TSPAN18: variants seen among roughly 807,000 people sequenced by gnomAD.
TSPAN18 encodes the protein tetraspanin-18.
In TSPAN18, 14 loss-of-function variants were observed where a neutral mutation model predicts 27.3. The observed-to-expected ratio is 0.51, with a 90% CI of 0.34 to 0.80. TSPAN18 has a LOEUF of 0.80. Among genes scored for constraint, TSPAN18 ranks in the 30% least tolerant of loss-of-function variants. The pLI is 0.01. For synonymous variants in TSPAN18, 143 were observed against 136.5 expected, an observed-to-expected ratio of 1.05 and a Z score of -0.33; for missense variants, 268 against 323.9, an observed-to-expected ratio of 0.83 and a Z score of 1.32.
Position 44,929,152 on chromosome 11 carries a change from A to C in TSPAN18, c.721A>C (p.Met241Leu), listed in dbSNP as rs138778813. The C allele has an allele frequency of 1.9e-6, 3 of 1,613,538 alleles. No homozygotes were observed. The highest frequency in any genetic ancestry group is 2.5e-6 in the Non-Finnish European group (3 of 1,180,016). The change falls in exon 10 of 10, where the codon ATG becomes CTG. Residue 241 changes from methionine to leucine, a missense_variant. Transcript: ENST00000520358. ...AIELFAMIFA[M>L]CLFRGIQ The stretch of plus-strand genomic sequence containing the variant: ...GCAGCTTTTCGCCATGATCTTTGCC[A>C]TGTGCCTCTTCCGGGGCATCCAGTA...
At chr11:44,801,143 C>G (rs1856471018) in intron 2 of TSPAN18, among the ~76,000 whole-genome samples, 1 of 152,194 alleles carries the variant, frequency 6.6e-6, no homozygotes, top group Admixed American at 6.5e-5. Flanking sequence ...TAAATAGCTT[C>G]CAAATCAGGA....
chr11:44,738,472 T>G (rs888918843), intron 1 of TSPAN18, among the ~76,000 whole-genome samples: 2 of 152,242 alleles, frequency 1.3e-5, no homozygotes, highest in Non-Finnish European at 2.9e-5. Flanking sequence ...GGACTAAATA[T>G]AACACATAAC....
intron 5 of TSPAN18, among the ~76,000 whole-genome samples, chr11:44,912,338 C>T (rs1336632252): frequency 6.6e-6 from 1 of 151,976 alleles, no homozygotes. Flanking sequence ...CTCTTGATCT[C>T]TGTTTTTATT....
chr11:44,803,084 A>G (rs1396899800), intron 2 of TSPAN18, among the ~76,000 whole-genome samples: 3 of 152,220 alleles, frequency 2.0e-5, no homozygotes, highest in Non-Finnish European at 1.5e-5. Context: ...CTATGAAACC[A>G]AGTTTCTGTC....
chr11:44,797,515 G>A (rs1008210942), intron 2 of TSPAN18, among the ~76,000 whole-genome samples: 2 of 152,188 alleles, frequency 1.3e-5, no homozygotes, highest in Non-Finnish European at 2.9e-5. Flanking sequence ...TATGGAGACT[G>A]ATGAATGGAT....
At chr11:44,916,141 C>A (rs958538352) in intron 5 of TSPAN18, among the ~76,000 whole-genome samples, 2 of 152,182 alleles carry the variant, frequency 1.3e-5, no homozygotes, top group Non-Finnish European at 2.9e-5. Context: ...GTTTTATGTC[C>A]GTGTGCTGAA....
chr11:44,913,746 T>C (rs1013335213), intron 5 of TSPAN18, among the ~76,000 whole-genome samples: 1 of 152,214 alleles, frequency 6.6e-6, no homozygotes, highest in African/African-American at 2.4e-5. Context: ...TTTCCTCCCC[T>C]TTGCTAATTT....
At chr11:44,875,978 G>A (rs1012886839) in intron 3 of TSPAN18, among the ~76,000 whole-genome samples, 1 of 152,192 alleles carries the variant, frequency 6.6e-6, no homozygotes, top group African/African-American at 2.4e-5. Context: ...GACCCCAGGT[G>A]GTGGGCCCTG....
At chr11:44,902,494 C>T (rs905243868) in intron 3 of TSPAN18, among the ~76,000 whole-genome samples, 2 of 152,154 alleles carry the variant, frequency 1.3e-5, no homozygotes, top group East Asian at 1.9e-4. Flanking sequence ...GGCTTGGTGA[C>T]GAAGGAAGAG....
At chr11:44,750,330 C>T (rs181534261) in intron 1 of TSPAN18, among the ~76,000 whole-genome samples, 5 of 152,298 alleles carry the variant, frequency 3.3e-5, no homozygotes, top group African/African-American at 1.2e-4. Flanking sequence ...TCCTCATAGC[C>T]ATAGATAAAG....
intron 2 of TSPAN18, among the ~76,000 whole-genome samples, chr11:44,859,949 C>T (rs948688001): frequency 1.3e-5 from 2 of 152,212 alleles, no homozygotes; most frequent in African/African-American, 2.4e-5. Flanking sequence ...TCTCTCCAAT[C>T]TGCTTGGACT....
At chr11:44,854,025 C>A (rs1411556945) in intron 2 of TSPAN18, among the ~76,000 whole-genome samples, 1 of 152,108 alleles carries the variant, frequency 6.6e-6, no homozygotes. Flanking sequence ...GGTGTAATTG[C>A]AAAGTAATTA....
At chr11:44,927,879 C>G (rs1328567593) in intron 9 of TSPAN18, among the ~76,000 whole-genome samples, 2 of 152,178 alleles carry the variant, frequency 1.3e-5, no homozygotes, top group Non-Finnish European at 2.9e-5. Flanking sequence ...AGAGGGATTA[C>G]AGATGACGGG....
At chr11:44,841,534 AT>A (rs1565173131) in intron 2 of TSPAN18, among the ~76,000 whole-genome samples, 5 of 151,646 alleles carry the variant, frequency 3.3e-5, no homozygotes, top group African/African-American at 1.2e-4. Flanking sequence ...AAAAGACTGC[AT>A]GTTGTAATAA....
chr11:44,859,893 C>T (rs190836215), intron 2 of TSPAN18, among the ~76,000 whole-genome samples: 3 of 152,270 alleles, frequency 2.0e-5, no homozygotes, highest in East Asian at 1.9e-4. Flanking sequence ...ATTGGTCTGG[C>T]GGCATGGAGC....
At chr11:44,923,768 G>C (rs1263424240) in intron 8 of TSPAN18, among the ~76,000 whole-genome samples, 1 of 152,196 alleles carries the variant, frequency 6.6e-6, no homozygotes, top group African/African-American at 2.4e-5. Flanking sequence ...CGAGGCCCTA[G>C]CAAAGTTATC....
chr11:44,796,016 C>G (rs368716613), intron 2 of TSPAN18, among the ~76,000 whole-genome samples: 1 of 152,042 alleles, frequency 6.6e-6, no homozygotes, highest in African/African-American at 2.4e-5. Flanking sequence ...TTTTTGTGCC[C>G]TCTGGCCTTC....
intron 2 of TSPAN18, among the ~76,000 whole-genome samples, chr11:44,847,999 A>G (rs1456938672): frequency 8.8e-5 from 3 of 34,118 alleles, no homozygotes; most frequent in Non-Finnish European, 1.4e-4. Flanking sequence ...GTGGCTGGCT[A>G]ATTTTTAGTA....
chr11:44,873,356 A>G (rs1219161854), intron 3 of TSPAN18, among the ~76,000 whole-genome samples: 1 of 152,206 alleles, frequency 6.6e-6, no homozygotes, highest in African/African-American at 2.4e-5. Context: ...GGATAATCCC[A>G]GGAATGCCAC....
Sources: gnomAD v4.1 joint callset for allele counts (sites outside exome capture counted in the v4.1 genomes callset) on GRCh38, gnomAD v4.1.1 for gene constraint, MANE v1.5 for transcripts, NCBI Gene and HGNC (gene_info 2026-07-23, HGNC 2026-07-21) for gene names.